ATRNL1: variants seen among roughly 807,000 people sequenced by gnomAD.
The protein encoded by ATRNL1 is attractin like 1, also known as attractin-like protein 1.
In ATRNL1, 95 loss-of-function variants were observed where a neutral mutation model predicts 182.7. That is an observed-to-expected ratio of 0.52 (90% CI 0.44 to 0.62). ATRNL1 has a LOEUF of 0.62. Ranked by LOEUF, ATRNL1 falls within the 20% of genes least tolerant of loss-of-function variation. The pLI is 0.00. For missense variants in ATRNL1, 1,471 were observed against 1,679.5 expected (o/e 0.88, Z 2.17); for synonymous variants, 576 against 568.3 (o/e 1.01, Z -0.19).
intron 8 of ATRNL1, among the ~76,000 whole-genome samples, chr10:115,185,240 C>T (rs1847898016): frequency 6.6e-6 from 1 of 152,032 alleles, no homozygotes; most frequent in South Asian, 2.1e-4. Context: ...GTAGTGAGCA[C>T]ACTGAGCACT....
At chr10:115,872,505 G>A (rs1951607922) in intron 28 of ATRNL1, among the ~76,000 whole-genome samples, 1 of 152,144 alleles carries the variant, frequency 6.6e-6, no homozygotes, top group Admixed American at 6.5e-5. Flanking sequence ...GACAAAAAAA[G>A]TGAGAGCTCA....
At chr10:115,512,725 A>C (rs1265039335) in intron 24 of ATRNL1, among the ~76,000 whole-genome samples, 1 of 151,934 alleles carries the variant, frequency 6.6e-6, no homozygotes, top group Non-Finnish European at 1.5e-5. Context: ...CCAGTAAAAT[A>C]AAATAATTTT....
intron 20 of ATRNL1, among the ~76,000 whole-genome samples, chr10:115,408,981 A>G (rs1436319385): frequency 6.6e-6 from 1 of 152,096 alleles, no homozygotes; most frequent in Non-Finnish European, 1.5e-5. Flanking sequence ...ACTTTGTGGT[A>G]TATTTTGAAG....
chr10:115,599,150 A>G (rs1446999104), intron 26 of ATRNL1, among the ~76,000 whole-genome samples: 3 of 152,214 alleles, frequency 2.0e-5, no homozygotes, highest in East Asian at 3.9e-4. Context: ...TTGGAAAGCT[A>G]TCAGGCTCAC....
intron 26 of ATRNL1, among the ~76,000 whole-genome samples, chr10:115,573,583 G>A (rs782697074): frequency 2.4e-4 from 37 of 152,070 alleles, no homozygotes; most frequent in Admixed American, 5.2e-4. Context: ...CCGGGGAACC[G>A]CCCTCTTCTA....
intron 25 of ATRNL1, among the ~76,000 whole-genome samples, chr10:115,545,817 G>T (rs1441090966): frequency 2.6e-5 from 4 of 152,164 alleles, no homozygotes; most frequent in African/African-American, 9.7e-5. Context: ...ACAGGATCTG[G>T]TATCTGGATG....
intron 28 of ATRNL1, among the ~76,000 whole-genome samples, chr10:115,923,153 TG>T (rs1953118349): frequency 6.6e-6 from 1 of 152,158 alleles, no homozygotes. Flanking sequence ...TCTAATGAGG[TG>T]GTCTCCTGAT....
At chr10:115,386,969 T>C (rs1858396114) in intron 19 of ATRNL1, among the ~76,000 whole-genome samples, 1 of 151,790 alleles carries the variant, frequency 6.6e-6, no homozygotes. Flanking sequence ...CATGCACACG[T>C]ATGTTTATTG....
intron 26 of ATRNL1, among the ~76,000 whole-genome samples, chr10:115,668,816 C>T (rs1164732561): frequency 5.3e-5 from 8 of 152,082 alleles, no homozygotes; most frequent in African/African-American, 1.9e-4. Context: ...TGTCTTCTGA[C>T]TTATTAATAA....
chr10:115,278,627 A>C (rs1852208913), intron 13 of ATRNL1, among the ~76,000 whole-genome samples: 2 of 134,200 alleles, frequency 1.5e-5, no homozygotes, highest in African/African-American at 5.8e-5. Context: ...GTAAGAATAC[A>C]CTCAAATTAT....
At chr10:115,135,863 T>C (rs1211888619) in intron 5 of ATRNL1, among the ~76,000 whole-genome samples, 2 of 151,856 alleles carry the variant, frequency 1.3e-5, no homozygotes, top group Non-Finnish European at 2.9e-5. Context: ...TTTTCTTTGG[T>C]TTTTCTTTTT....
chr10:115,231,856 G>A (rs1263024633), intron 9 of ATRNL1, among the ~76,000 whole-genome samples: 3 of 152,112 alleles, frequency 2.0e-5, no homozygotes, highest in Non-Finnish European at 2.9e-5. Flanking sequence ...GGGTGAGAAT[G>A]AGGGATAGTG....
chr10:115,178,621 T>C (rs1554887278), intron 8 of ATRNL1, among the ~76,000 whole-genome samples: 1 of 152,140 alleles, frequency 6.6e-6, no homozygotes, highest in Admixed American at 6.6e-5. Flanking sequence ...TGGGGCTTTT[T>C]GGGGTGTGAT....
At chr10:115,377,627 C>A (rs1167513041) in intron 19 of ATRNL1, among the ~76,000 whole-genome samples, 10 of 152,230 alleles carry the variant, frequency 6.6e-5, no homozygotes, top group Admixed American at 6.5e-4. Flanking sequence ...AACTATATAG[C>A]CTTGCACCAG....
chr10:115,841,349 AC>A (rs1182726476), intron 27 of ATRNL1, among the ~76,000 whole-genome samples: 3 of 152,130 alleles, frequency 2.0e-5, no homozygotes, highest in African/African-American at 2.4e-5. Flanking sequence ...TAGATAGTAT[AC>A]TATAAAGATA....
chr10:115,492,479 GCTTT>G (rs1339455396), intron 24 of ATRNL1, among the ~76,000 whole-genome samples: 3 of 149,832 alleles, frequency 2.0e-5, no homozygotes, highest in African/African-American at 7.3e-5. Context: ...TCCTTTTTTG[GCTTT>G]CTATTAGTTT....
chr10:115,413,491 A>C lies in ATRNL1; in HGVS notation c.3270-12759A>C, dbSNP rs143213123. ...AGACCTCAACATTTTTCTATAAACA[A>C]GACCCTTCCTTTCTTGTCCCATTTA... On this transcript the variant is annotated intron_variant, in intron 20 of 28. Coordinates refer to ENST00000355044, the MANE Select transcript of ATRNL1 (RefSeq NM_207303.4). 1.9e-3 allele frequency among the ~76,000 whole-genome samples: 283 copies of C among 152,250 alleles called. 2 individuals carry two copies. Among genetic ancestry groups the C allele is most frequent in the East Asian group, 2.9e-3 (15 of 5,188 alleles).
At chr10:115,663,402 A>G (rs1428817474) in intron 26 of ATRNL1, among the ~76,000 whole-genome samples, 6 of 152,008 alleles carry the variant, frequency 3.9e-5, no homozygotes, top group Non-Finnish European at 8.8e-5. Context: ...ATAATAGGCT[A>G]TATTTGTTTA....
At position 115,405,573 on chromosome 10, in the gene ATRNL1, CATA is replaced by C. The variant is rs376773863; in HGVS notation, c.3269+10824_3269+10826del. 3.9e-3 allele frequency among the ~76,000 whole-genome samples: 593 copies of C among 152,266 alleles called. 3 individuals are homozygous for C. The highest frequency in any genetic ancestry group is 0.014 in the African/African-American group (572 of 41,544). Reference sequence around the variant, plus strand: ...AATAATGTTTGTCCTCTCACCTCAACATAATGTTTTGAGATTTATCCAAGTTGC... The same window carrying C: ...AATAATGTTTGTCCTCTCACCTCAACATGTTTTGAGATTTATCCAAGTTGC... On this transcript the variant is annotated intron_variant, in intron 20 of 28. Coordinates refer to ENST00000355044, the MANE Select transcript of ATRNL1 (RefSeq NM_207303.4).
Sources: allele counts gnomAD v4.1 joint callset (sites outside exome capture counted in the v4.1 genomes callset), GRCh38; gene constraint gnomAD v4.1.1; transcripts MANE v1.5; gene names NCBI Gene and HGNC (gene_info 2026-07-23, HGNC 2026-07-21).